The following PRDM16 variants were observed in gnomAD, a reference collection of about 807,000 sequenced individuals.
PRDM16 encodes histone-lysine N-methyltransferase PRDM16.
In PRDM16, 23 loss-of-function variants were observed where a neutral mutation model predicts 110.6. The observed-to-expected ratio is 0.21, with a 90% CI of 0.15 to 0.29. PRDM16 has a LOEUF of 0.29. Ranked by LOEUF, PRDM16 falls within the 10% of genes least tolerant of loss-of-function variation. The pLI is 1.00. For missense variants in PRDM16, 1,615 were observed against 1,794.3 expected (o/e 0.90, Z 1.81); for synonymous variants, 799 against 781.8 (o/e 1.02, Z -0.37).
intron 3 of PRDM16, among the ~76,000 whole-genome samples, chr1:3,368,060 A>G (rs913858496): frequency 8.5e-5 from 13 of 152,200 alleles, no homozygotes; most frequent in African/African-American, 1.2e-4. Context: ...AGAGGGCCCA[A>G]TCCCCTCAAA....
rs955972639 is a variant in PRDM16, at chr1:3,382,518, C to T, written c.439-2634C>T. Among the ~76,000 whole-genome samples the T allele has an allele frequency of 3.1e-4, 47 of 152,332 alleles. No homozygotes were observed. Among genetic ancestry groups the T allele is most frequent in the African/African-American group, 8.7e-4 (36 of 41,576 alleles). ...TCTCCCTGGGAACCTGCCCTGAGTC[C>T]TGAACAGCAGGGTGGCCACAGACTC... is the stretch of plus-strand genomic sequence containing the variant. On this transcript the variant is annotated intron_variant, in intron 3 of 16. Transcript: ENST00000270722. This position sits in a 1 kb window ranked among gnomAD's most constrained non-coding sequence, Gnocchi z 6.6.
At position 3,070,259 on chromosome 1, in the gene PRDM16, C is replaced by A. The variant is rs757074691; in HGVS notation, c.37+963C>A. On this transcript the variant is annotated intron_variant, in intron 1 of 16. Transcript: ENST00000270722. The stretch of plus-strand genomic sequence containing the variant: ...GGCCGAGCCCCGGGCTCCGCGCGCC[C>A]CGCCTGCCGCCAGCCGGTCCTTGCC... 1.1e-3 allele frequency among the ~76,000 whole-genome samples: 165 copies of A among 150,372 alleles called. 1 individual carries two copies. The highest frequency in any genetic ancestry group is 1.9e-3 in the Non-Finnish European group (130 of 67,272).
chr1:3,215,648 A>G (rs1305652676), intron 2 of PRDM16, among the ~76,000 whole-genome samples: 4 of 152,126 alleles, frequency 2.6e-5, no homozygotes, highest in African/African-American at 9.7e-5. Flanking sequence ...GCTCCTCTGC[A>G]CGGTGGCTCC....
At chr1:3,168,656 G>A (rs1203198904) in intron 1 of PRDM16, among the ~76,000 whole-genome samples, 1 of 137,168 alleles carries the variant, frequency 7.3e-6, no homozygotes, top group African/African-American at 2.7e-5. Context: ...TTAATGCAAA[G>A]AAATTGCTTT....
intron 3 of PRDM16, among the ~76,000 whole-genome samples, chr1:3,288,164 T>C (rs1229157584): frequency 2.0e-5 from 3 of 152,222 alleles, no homozygotes; most frequent in Non-Finnish European, 2.9e-5. Flanking sequence ...GGTCTTAGCC[T>C]GGCAGAGGTG....
rs537926501 is a variant in PRDM16, at chr1:3,359,132, C to A, written c.439-26020C>A. 6.6e-6 allele frequency among the ~76,000 whole-genome samples: 1 copy of A among 152,188 alleles called. No individual in the cohort carries two copies. Among genetic ancestry groups the A allele is most frequent in the Non-Finnish European group, 1.5e-5 (1 of 68,036 alleles). Reference sequence around the variant, plus strand: ...ACGGCACACTGCAGCCTCCACCTCCCGGGCTCAAGCGATCCTCCCTCCTCA... The same window carrying A: ...ACGGCACACTGCAGCCTCCACCTCCAGGGCTCAAGCGATCCTCCCTCCTCA... On this transcript the variant is annotated intron_variant, in intron 3 of 16. Transcript: ENST00000270722. This position sits in a 1 kb window ranked among gnomAD's most constrained non-coding sequence, Gnocchi z 4.3.
intron 3 of PRDM16, among the ~76,000 whole-genome samples, chr1:3,273,437 CATGTGT>C (rs1335291072): frequency 2.2e-5 from 3 of 136,070 alleles, no homozygotes; most frequent in African/African-American, 1.0e-4. Context: ...GGTGCGTGCA[CATGTGT>C]GTGTGTGGGT....
At chr1:3,372,026 C>G (rs1272524934) in intron 3 of PRDM16, among the ~76,000 whole-genome samples, 2 of 152,238 alleles carry the variant, frequency 1.3e-5, no homozygotes, top group Non-Finnish European at 2.9e-5. Flanking sequence ...TCAAATGTGT[C>G]TGGTCCTCCT....
In PRDM16 at chr1:3,417,838, T is replaced by C. The variant is rs1482371535; in HGVS notation, c.2702T>C (p.Ile901Thr). The C allele has an allele frequency of 3.1e-6, 5 of 1,613,672 alleles. No individual in the cohort carries two copies. The highest frequency in any genetic ancestry group is 1.3e-5 in the African/African-American group (1 of 74,912). The stretch of plus-strand genomic sequence containing the variant: ...CTCTTATGCCTACAGATGTCAGCCA[T>C]AGAGACCATGACAGAGAAGCTGGAG... ...PLLFHPQMSA[I>T]ETMTEKLESF... is the part of the protein sequence containing the mutation. Residue 901 changes from isoleucine to threonine, a missense_variant, in exon 11 of 17, where the codon ATA (isoleucine) becomes ACA (threonine). Ile to Thr is a moderately conservative substitution (Grantham distance 89). This residue lies in a region of PRDM16 where 772 missense variants were observed against 748.3 expected (regional missense o/e 1.03). Coordinates refer to ENST00000270722, the MANE Select transcript of PRDM16 (RefSeq NM_022114.4).
chr1:3,274,871 C>CGG (rs1265896345), intron 3 of PRDM16, among the ~76,000 whole-genome samples: 64 of 152,190 alleles, frequency 4.2e-4, no homozygotes, highest in Admixed American at 4.2e-3. Context: ...GTGTGGGTCC[C>CGG]GGGTCCTGAG....
At chr1:3,177,390 C>T (rs138900264) in intron 1 of PRDM16, among the ~76,000 whole-genome samples, 509 of 152,330 alleles carry the variant, frequency 3.3e-3, no homozygotes, top group African/African-American at 4.6e-3. Flanking sequence ...GTTAGAGTGG[C>T]GTTTGAGAAG....
chr1:3,389,002 G>T (rs1026189783), intron 4 of PRDM16, among the ~76,000 whole-genome samples: 2 of 152,176 alleles, frequency 1.3e-5, no homozygotes, highest in Non-Finnish European at 2.9e-5. Context: ...CACAGGCCCG[G>T]TTCTGACTGT....
At chr1:3,248,457 A>C (rs1454653883) in intron 3 of PRDM16, among the ~76,000 whole-genome samples, 2 of 152,174 alleles carry the variant, frequency 1.3e-5, no homozygotes, top group Admixed American at 6.5e-5. Context: ...CCCAAAAATA[A>C]ATACATCGTG....
rs185999059 is a variant in PRDM16 at position 3,147,030 on chromosome 1, T to C, written c.38-39095T>C. On this transcript the variant is annotated intron_variant, in intron 1 of 16. Coordinates refer to ENST00000270722, the MANE Select transcript of PRDM16 (RefSeq NM_022114.4). ...GTGGGGGGTATGCGCACGTGTGTGC[T>C]CGGTGTGGGGTGTGTGTGCACGTGT... Among the ~76,000 whole-genome samples, 374 of 120,858 alleles carry C rather than the reference T, an allele frequency of 3.1e-3. 1 individual carries two copies. Among genetic ancestry groups the C allele is most frequent in the Non-Finnish European group, 5.5e-3 (331 of 60,044 alleles). 79.3% of individuals were successfully genotyped at this position (120,858 alleles called of 152,430 possible). A position where few individuals can be genotyped will look rare whatever the true frequency, so the allele number is the denominator to read the frequency against.
At chr1:3,230,289 A>C (rs1639377899) in intron 2 of PRDM16, among the ~76,000 whole-genome samples, 1 of 152,160 alleles carries the variant, frequency 6.6e-6, no homozygotes, top group Non-Finnish European at 1.5e-5. Flanking sequence ...GGATGTTGCT[A>C]GGTCTCACGG....
At chr1:3,303,019 C>A (rs1035239218) in intron 3 of PRDM16, among the ~76,000 whole-genome samples, 3 of 152,080 alleles carry the variant, frequency 2.0e-5, no homozygotes, top group African/African-American at 7.2e-5. Context: ...TAATATATAT[C>A]AGTTTTATTG....
rs943005196 is a variant in PRDM16, at chr1:3,353,722, G to A, written c.439-31430G>A. On this transcript the variant is annotated intron_variant, in intron 3 of 16. Coordinates refer to ENST00000270722, the MANE Select transcript of PRDM16 (RefSeq NM_022114.4). This position sits in a 1 kb window ranked among gnomAD's most constrained non-coding sequence, Gnocchi z 5.4. ...AGGCTGGTGGAGGTTTGGGGATGCCGAAGCAGCCAGAGAGTGGCCAAGGGG... is the reference window on the plus strand; with the variant it reads ...AGGCTGGTGGAGGTTTGGGGATGCCAAAGCAGCCAGAGAGTGGCCAAGGGG... Among the ~76,000 whole-genome samples, 1 of 152,200 alleles carries A rather than the reference G, an allele frequency of 6.6e-6. No individual in the cohort carries two copies. Among genetic ancestry groups the A allele is most frequent in the Non-Finnish European group, 1.5e-5 (1 of 68,030 alleles).
chr1:3,174,847 G>C (rs1298688675), intron 1 of PRDM16, among the ~76,000 whole-genome samples: 1 of 152,180 alleles, frequency 6.6e-6, no homozygotes, highest in Non-Finnish European at 1.5e-5. Context: ...CTGTGGGCCA[G>C]GTCCCGGGTG....
intron 1 of PRDM16, among the ~76,000 whole-genome samples, chr1:3,106,140 T>G (rs1642646378): frequency 7.0e-6 from 1 of 143,308 alleles, no homozygotes; most frequent in Non-Finnish European, 1.5e-5. Flanking sequence ...GTGGATGGAG[T>G]CCTGGCAGGG....
Sources: gnomAD v4.1 joint callset for allele counts (sites outside exome capture counted in the v4.1 genomes callset) on GRCh38, gnomAD v4.1.1 for gene constraint, gnomAD v4.1.1 regional missense constraint, Gnocchi (gnomAD v3.1) non-coding constraint, MANE v1.5 for transcripts, NCBI Gene and HGNC (gene_info 2026-07-23, HGNC 2026-07-21) for gene names.